The following MYO6 variants were observed in gnomAD, a reference collection of about 807,000 sequenced individuals.
The protein encoded by MYO6 is myosin VI, also known as unconventional myosin-VI.
In MYO6, 74 loss-of-function variants were observed where a neutral mutation model predicts 178.7. That is an observed-to-expected ratio of 0.41 (90% CI 0.34 to 0.50). MYO6 has a LOEUF of 0.50. MYO6 is among the 20% of genes least tolerant of loss of function. The pLI, the probability that MYO6 is intolerant of heterozygous loss-of-function variation, is 0.09. For synonymous variants in MYO6, 477 were observed against 504.6 expected (o/e 0.95, Z 0.73); for missense variants, 1,330 against 1,547.4 (o/e 0.86, Z 2.36).
intron 19 of MYO6, among the ~76,000 whole-genome samples, chr6:75,872,252 A>G (rs758859556): frequency 3.3e-5 from 5 of 152,244 alleles, no homozygotes; most frequent in Admixed American, 6.5e-5. Flanking sequence ...TTGGATGTCT[A>G]TTAGCTTCAG....
chr6:75,875,097 A>T (rs1777468968), intron 20 of MYO6, among the ~76,000 whole-genome samples: 1 of 152,114 alleles, frequency 6.6e-6, no homozygotes, highest in Non-Finnish European at 1.5e-5. Context: ...TTCAGGATTT[A>T]AGTTAGGCCT....
intron 7 of MYO6, among the ~76,000 whole-genome samples, chr6:75,839,262 C>T (rs988013256): frequency 3.9e-5 from 6 of 151,986 alleles, no homozygotes; most frequent in East Asian, 3.9e-4. Context: ...GATCTCGGCT[C>T]GCTGCAAGCT....
chr6:75,896,823 G>T (rs1779345732), intron 29 of MYO6, among the ~76,000 whole-genome samples: 2 of 152,162 alleles, frequency 1.3e-5, no homozygotes, highest in African/African-American at 4.8e-5. Context: ...GCCCTCCATT[G>T]CCACAACTGC....
At chr6:75,831,101 C>T (rs1350840804) in intron 5 of MYO6, among the ~76,000 whole-genome samples, 1 of 152,202 alleles carries the variant, frequency 6.6e-6, no homozygotes, top group African/African-American at 2.4e-5. Flanking sequence ...CTTTGCCTTT[C>T]TCAGCCTCTT....
chr6:75,797,357 T>G (rs1051722270), intron 1 of MYO6, among the ~76,000 whole-genome samples: 2 of 152,160 alleles, frequency 1.3e-5, no homozygotes, highest in Non-Finnish European at 2.9e-5. Context: ...CCTCCCAGAG[T>G]GCTGGGATTA....
In MYO6 at chr6:75,917,835, C is replaced by G. The variant is rs888411648; in HGVS notation, c.*2823C>G. The stretch of plus-strand genomic sequence containing the variant: ...ATATTTTTTAAAAGACATTTTCATT[C>G]ACAGGTCATTACTATGGTTCTCAGC... On this transcript the variant is annotated 3_prime_UTR_variant, in exon 35 of 35. Transcript: ENST00000369977. 1.3e-5 allele frequency: 2 copies of G among 152,138 alleles called. No individual in the cohort carries two copies. The highest frequency in any genetic ancestry group is 4.8e-5 in the African/African-American group (2 of 41,304). The allele number at this position is 152,138 out of a possible 1,614,324, so 9.4% of individuals were successfully genotyped here.
At chr6:75,802,118 G>A (rs191114973) in intron 1 of MYO6, among the ~76,000 whole-genome samples, 2 of 152,054 alleles carry the variant, frequency 1.3e-5, no homozygotes, top group African/African-American at 4.8e-5. Flanking sequence ...TCATTTAAAT[G>A]CAATACTAAG....
chr6:75,907,089 C>T (rs561971640), intron 30 of MYO6, among the ~76,000 whole-genome samples: 1 of 152,294 alleles, frequency 6.6e-6, no homozygotes, highest in East Asian at 1.9e-4. Flanking sequence ...ACTCTGTAAA[C>T]ATCCAGAGGC....
At position 75,841,367 on chromosome 6, in the gene MYO6, G is replaced by T. The variant is rs1470419754; in HGVS notation, c.805G>T (p.Asp269Tyr). Reference protein sequence around the residue: ...IREKLHLSSPDNFRYLNRGCT... With the variant: ...IREKLHLSSPYNFRYLNRGCT... ...AGAAAAACTTCATTTGAGTTCACCA[G>T]ATAATTTTCGGGTAGGTCAGAAGAA... The change falls in exon 9 of 35, where the codon GAT (aspartate) becomes TAT (tyrosine). Residue 269 changes from aspartate (D) to tyrosine (Y), a missense_variant. Around this residue, in one of 3 missense-constraint regions of MYO6, gnomAD observed 613 missense variants for 816.8 expected, o/e 0.75. Transcript: ENST00000369977. 6.2e-7 allele frequency: 1 copy of T among 1,613,490 alleles called. No individual in the cohort carries two copies. Among genetic ancestry groups the T allele is most frequent in the Non-Finnish European group, 8.5e-7 (1 of 1,179,954 alleles).
chr6:75,862,053 C>A (rs1224125295), intron 15 of MYO6, among the ~76,000 whole-genome samples: 1 of 152,176 alleles, frequency 6.6e-6, no homozygotes, highest in Non-Finnish European at 1.5e-5. Flanking sequence ...CTTCCTATGT[C>A]TTATAGCTTT....
intron 1 of MYO6, among the ~76,000 whole-genome samples, chr6:75,784,776 CAAAAAAAAAAAA>C (rs754218278): frequency 6.4e-4 from 35 of 54,406 alleles, no homozygotes; most frequent in East Asian, 1.0e-3. Context: ...GACTCCGTCT[CAAAAAAAAAAAA>C]AAAAAAAAAA....
At chr6:75,812,505 A>G (rs1287094987) in intron 1 of MYO6, among the ~76,000 whole-genome samples, 1 of 152,158 alleles carries the variant, frequency 6.6e-6, no homozygotes, top group Non-Finnish European at 1.5e-5. Context: ...GTAAGTTACT[A>G]TTGACTGTAG....
chr6:75,789,380 A>C (rs1164312488), intron 1 of MYO6, among the ~76,000 whole-genome samples: 2 of 152,200 alleles, frequency 1.3e-5, no homozygotes, highest in African/African-American at 4.8e-5. Context: ...TTTCATGTAC[A>C]TATTATTCAC....
intron 16 of MYO6, among the ~76,000 whole-genome samples, chr6:75,864,294 A>G (rs1012387938): frequency 2.6e-5 from 4 of 152,206 alleles, no homozygotes; most frequent in Non-Finnish European, 5.9e-5. Flanking sequence ...AATCAGTGGT[A>G]AATAGGTGAA....
At chr6:75,888,223 A>G (rs759910637) in intron 25 of MYO6, among the ~76,000 whole-genome samples, 3 of 152,146 alleles carry the variant, frequency 2.0e-5, no homozygotes, top group Non-Finnish European at 2.9e-5. Flanking sequence ...CAGAGGTTGC[A>G]GTGAGCCAAG....
At chr6:75,779,693 G>A (rs1028572618) in intron 1 of MYO6, among the ~76,000 whole-genome samples, 3 of 151,936 alleles carry the variant, frequency 2.0e-5, no homozygotes, top group Admixed American at 6.6e-5. Context: ...TTCTATGGCT[G>A]TTTAAAAAGA....
At chr6:75,834,425 G>T (rs1310995799) in intron 6 of MYO6, among the ~76,000 whole-genome samples, 2 of 152,164 alleles carry the variant, frequency 1.3e-5, no homozygotes, top group African/African-American at 2.4e-5. Flanking sequence ...TAGAGACAGG[G>T]TTATGCTATG....
chr6:75,794,760 A>C (rs1583100409), intron 1 of MYO6, among the ~76,000 whole-genome samples: 2 of 139,860 alleles, frequency 1.4e-5, no homozygotes, highest in Admixed American at 1.4e-4. Context: ...AAAAAAAAAA[A>C]TAAAATGTGC....
intron 1 of MYO6, among the ~76,000 whole-genome samples, chr6:75,786,006 C>T (rs1309621621): frequency 6.6e-6 from 1 of 152,052 alleles, no homozygotes; most frequent in Admixed American, 6.6e-5. Context: ...ACCTCTGCCT[C>T]CCAGGTTCAA....
Sources: gnomAD v4.1 joint callset for allele counts (sites outside exome capture counted in the v4.1 genomes callset) on GRCh38, gnomAD v4.1.1 for gene constraint, gnomAD v4.1.1 regional missense constraint, MANE v1.5 for transcripts, NCBI Gene and HGNC (gene_info 2026-07-23, HGNC 2026-07-21) for gene names.